ASH1L: variants seen among roughly 807,000 people sequenced by gnomAD.
The protein encoded by ASH1L is histone-lysine N-methyltransferase ASH1L.
A neutral mutation model predicts 269.0 loss-of-function variants in ASH1L; 23 were observed. The observed-to-expected ratio is 0.09, with a 90% CI of 0.06 to 0.12. ASH1L has a LOEUF of 0.12. Ranked by LOEUF, ASH1L falls within the 10% of genes least tolerant of loss-of-function variation. The probability of loss-of-function intolerance (pLI) is 1.00; values close to 1 mark genes in which losing one functional copy is unlikely to be tolerated. For synonymous variants in ASH1L, 1,187 were observed against 1,253.5 expected, an observed-to-expected ratio of 0.95 and a Z score of 1.12; for missense variants, 2,912 against 3,567.8, an observed-to-expected ratio of 0.82 and a Z score of 4.68.
At chr1:155,355,497 T>G (rs1654297555) in intron 15 of ASH1L, among the ~76,000 whole-genome samples, 1 of 152,252 alleles carries the variant, frequency 6.6e-6, no homozygotes, top group Non-Finnish European at 1.5e-5. Context: ...GTCTCACTTC[T>G]CACTTAAATG....
At chr1:155,414,469 TC>T (rs1359739062) in intron 6 of ASH1L, among the ~76,000 whole-genome samples, 1 of 151,974 alleles carries the variant, frequency 6.6e-6, no homozygotes, top group African/African-American at 2.4e-5. Flanking sequence ...GCCACCACAC[TC>T]GGCTAATTTT....
At chr1:155,477,572 G>A (rs1665653060) in intron 3 of ASH1L, among the ~76,000 whole-genome samples, 2 of 152,054 alleles carry the variant, frequency 1.3e-5, no homozygotes, top group African/African-American at 2.4e-5. Context: ...AGACCTATGA[G>A]CCATTTGTCT....
In ASH1L at chr1:155,432,003, G is replaced by A. The variant is rs920209122; in HGVS notation, c.5828+6324C>T. 3.9e-5 allele frequency among the ~76,000 whole-genome samples: 6 copies of A among 152,092 alleles called. No individual in the cohort carries two copies. The South Asian group carries it at 6.2e-4, about 16-fold the overall frequency. On this transcript the variant is annotated intron_variant, in intron 5 of 27. Coordinates refer to ENST00000392403, the MANE Select transcript of ASH1L (RefSeq NM_018489.3). The stretch of plus-strand genomic sequence containing the variant: ...ACCAGGATTTGAACCTAGGTTTTCC[G>A]AGTCTAGAAGCCCACCTCATAACCA...
chr1:155,434,986 C>G (rs960762799), intron 5 of ASH1L, among the ~76,000 whole-genome samples: 7 of 152,210 alleles, frequency 4.6e-5, no homozygotes, highest in Admixed American at 4.6e-4. Flanking sequence ...GGGGAAACCC[C>G]GTCTCTACTA....
intron 1 of ASH1L, among the ~76,000 whole-genome samples, chr1:155,530,495 G>T (rs57585478): frequency 2.0e-5 from 3 of 151,944 alleles, no homozygotes; most frequent in African/African-American, 7.3e-5. Flanking sequence ...GGAGGCCAAG[G>T]CAGGCAGATC....
Position 155,343,542 on chromosome 1 carries a change from T to A in ASH1L, c.8121-56A>T. ...GTTTAGCTGATTAGCAAGATCCTAG[T>A]GAACATTCAGCTCCACTGGTACAGC... is the stretch of plus-strand genomic sequence containing the variant. On this transcript the variant is annotated intron_variant, in intron 23 of 27. Transcript: ENST00000392403. This position sits in a 1 kb window ranked among gnomAD's most constrained non-coding sequence, Gnocchi z 6.1. 1 of 1,612,056 alleles carries A rather than the reference T, an allele frequency of 6.2e-7. No homozygotes were observed. The highest frequency in any genetic ancestry group is 1.7e-5 in the Admixed American group (1 of 59,950).
At chr1:155,386,269 C>T (rs113603461) in intron 7 of ASH1L, among the ~76,000 whole-genome samples, 1,536 of 152,174 alleles carry the variant, frequency 0.01, 36 homozygotes, top group African/African-American at 0.036. Flanking sequence ...AGGGTTTCAC[C>T]ATGTTGGCCA....
intron 7 of ASH1L, among the ~76,000 whole-genome samples, chr1:155,386,373 T>C (rs1463390235): frequency 6.8e-6 from 1 of 147,624 alleles, no homozygotes; most frequent in Non-Finnish European, 1.5e-5. Flanking sequence ...TGGCCAAGAG[T>C]CTTTAAAAAA....
rs1239902334 is a variant in ASH1L at position 155,482,005 on chromosome 1, T to C, written c.865A>G (p.Lys289Glu). The C allele has an allele frequency of 2.2e-5, 35 of 1,614,076 alleles. No individual in the cohort carries two copies. The highest frequency in any genetic ancestry group is 2.7e-5 in the Non-Finnish European group (32 of 1,180,046). ...AVGLVTKDPG[K>E]KPVFNAAVGL... ...ACTGCTGCATTAAACACTGGCTTTT[T>C]CCCAGGATCTTTAGTTACCAATCCA... Residue 289 changes from lysine to glutamate, a missense_variant, in exon 3 of 28, where the codon AAA becomes GAA. Lys to Glu is a moderately conservative substitution (Grantham distance 56). This residue lies in a region of ASH1L where 277 missense variants were observed against 367.7 expected (regional missense o/e 0.75). Coordinates refer to ENST00000392403, the MANE Select transcript of ASH1L (RefSeq NM_018489.3).
At chr1:155,349,193 C>T (rs1257016057) in intron 19 of ASH1L, 134 bp downstream of exon 19, 1 of 886,532 alleles carries the variant, frequency 1.1e-6, no homozygotes, top group East Asian at 2.6e-5. Flanking sequence ...AACACATACC[C>T]CAAGGATACT....
intron 1 of ASH1L, among the ~76,000 whole-genome samples, chr1:155,559,843 C>T (rs1223257065): frequency 6.6e-6 from 1 of 152,066 alleles, no homozygotes; most frequent in East Asian, 1.9e-4. Flanking sequence ...AAGCTAAACT[C>T]CAAGACAGGA....
At chr1:155,534,436 G>A (rs772987441) in intron 1 of ASH1L, among the ~76,000 whole-genome samples, 6 of 151,380 alleles carry the variant, frequency 4.0e-5, no homozygotes, top group Non-Finnish European at 8.8e-5. Flanking sequence ...GAGAGGATGA[G>A]GGTGGAAAAA....
chr1:155,377,546 A>C (rs541556402), intron 10 of ASH1L, among the ~76,000 whole-genome samples: 60 of 152,240 alleles, frequency 3.9e-4, no homozygotes, highest in African/African-American at 1.4e-3. Flanking sequence ...CCTGGGCAAC[A>C]CAGTGAGACC....
At chr1:155,339,295 C>G in intron 26 of ASH1L, 33 bp downstream of exon 26, 1 of 1,604,790 alleles carries the variant, frequency 6.2e-7, no homozygotes, top group Non-Finnish European at 8.5e-7. Context: ...TAGTCAATCC[C>G]TTAGGATCCT....
At chr1:155,509,786 G>A (rs144661616) in intron 2 of ASH1L, among the ~76,000 whole-genome samples, 2,107 of 151,706 alleles carry the variant, frequency 0.014, 21 homozygotes, top group Middle Eastern at 0.031. Flanking sequence ...GCGACAGAGC[G>A]AGACTCCATC....
At chr1:155,548,802 TGCTGCTCAGCTC>T (rs1305015977) in intron 1 of ASH1L, among the ~76,000 whole-genome samples, 1 of 152,242 alleles carries the variant, frequency 6.6e-6, no homozygotes, top group African/African-American at 2.4e-5. Context: ...AGCATCACTA[TGCTGCTCAGCTC>T]CCAAGTTTAT....
chr1:155,469,899 C>T (rs906917630), intron 3 of ASH1L, among the ~76,000 whole-genome samples: 2 of 152,182 alleles, frequency 1.3e-5, no homozygotes, highest in Non-Finnish European at 2.9e-5. Flanking sequence ...AAACTCTATA[C>T]TCTTGGGAGT....
At chr1:155,383,890 T>C (rs1657192065) in intron 7 of ASH1L, among the ~76,000 whole-genome samples, 1 of 152,194 alleles carries the variant, frequency 6.6e-6, no homozygotes, top group Non-Finnish European at 1.5e-5. Context: ...CTAATGACAC[T>C]GAATTGTCCA....
At chr1:155,392,196 C>A (rs1275881905) in intron 7 of ASH1L, among the ~76,000 whole-genome samples, 2 of 152,170 alleles carry the variant, frequency 1.3e-5, no homozygotes, top group African/African-American at 2.4e-5. Flanking sequence ...AGTTTATATG[C>A]AAAATTTGCA....
Sources: gnomAD v4.1 joint callset for allele counts (sites outside exome capture counted in the v4.1 genomes callset) on GRCh38, gnomAD v4.1.1 for gene constraint, gnomAD v4.1.1 regional missense constraint, Gnocchi (gnomAD v3.1) non-coding constraint, MANE v1.5 for transcripts, NCBI Gene and HGNC (gene_info 2026-07-23, HGNC 2026-07-21) for gene names.